Variants in STK10 observed in about 807,000 individuals in gnomAD.
STK10 encodes the protein serine/threonine kinase 10.
Under a neutral mutation model 113.8 loss-of-function variants are expected in STK10, and 78 were observed. That is an observed-to-expected ratio of 0.69 (90% CI 0.57 to 0.83). The LOEUF (loss-of-function observed/expected upper bound fraction) is 0.83. Ranked by LOEUF, STK10 falls within the 40% of genes least tolerant of loss-of-function variation. The probability of loss-of-function intolerance (pLI) is 0.00; values close to 1 mark genes in which losing one functional copy is unlikely to be tolerated. For synonymous variants in STK10, 465 were observed against 494.7 expected, an observed-to-expected ratio of 0.94 and a Z score of 0.80; for missense variants, 1,109 against 1,280.1, an observed-to-expected ratio of 0.87 and a Z score of 2.04.
intron 8 of STK10, among the ~76,000 whole-genome samples, chr5:172,095,589 G>A (rs59846182): frequency 2.6e-5 from 4 of 152,236 alleles, no homozygotes; most frequent in Non-Finnish European, 4.4e-5. Flanking sequence ...CATGCATGGC[G>A]GGGGTGGTTG....
chr5:172,164,765 C>T (rs918731633), intron 1 of STK10, among the ~76,000 whole-genome samples: 1 of 152,166 alleles, frequency 6.6e-6, no homozygotes, highest in African/African-American at 2.4e-5. Flanking sequence ...ATGAGGCCCA[C>T]GTGGGAGTTG....
chr5:172,077,195 T>C (rs999659788), intron 12 of STK10, among the ~76,000 whole-genome samples: 1 of 152,226 alleles, frequency 6.6e-6, no homozygotes, highest in Admixed American at 6.5e-5. Flanking sequence ...GTTACTGAAC[T>C]CGTTCGAGTT....
chr5:172,090,486 C>T (rs1047176640), intron 9 of STK10, 124 bp from the exon 10 acceptor site: 3 of 1,343,932 alleles, frequency 2.2e-6, no homozygotes, highest in Non-Finnish European at 3.1e-6. Flanking sequence ...AGAGATGTGG[C>T]CATCCATCGT....
In STK10 at chr5:172,082,965, A is replaced by T; in HGVS notation, c.1805T>A (p.Ile602Asn). ...CCCATCTTTTCTCGCACTCACGTTG[A>T]TTTCCTGTTCAAAACGTTTATGCAT... Reference protein sequence around the residue: ...EQMHKRFEQEINAKKKFFDTE... With the variant: ...EQMHKRFEQENNAKKKFFDTE... Residue 602 changes from isoleucine (I) to asparagine (N), a missense_variant, in exon 11 of 19, where the codon ATC becomes AAC. This residue lies in a region of STK10 where 885 missense variants were observed against 991.1 expected (regional missense o/e 0.89). Coordinates refer to ENST00000176763, the MANE Select transcript of STK10 (RefSeq NM_005990.4). The surrounding 1 kb of genome is among the most constrained non-coding windows in gnomAD (Gnocchi z 4.3). 1 of 1,613,322 alleles carries T rather than the reference A, an allele frequency of 6.2e-7. No homozygotes were observed. Among genetic ancestry groups the T allele is most frequent in the Non-Finnish European group, 8.5e-7 (1 of 1,179,910 alleles).
chr5:172,153,785 A>G (rs993024152), intron 2 of STK10, among the ~76,000 whole-genome samples: 1 of 152,242 alleles, frequency 6.6e-6, no homozygotes, highest in African/African-American at 2.4e-5. Flanking sequence ...TTCAACCTGT[A>G]TCTCTGGACT....
chr5:172,067,277 A>C (rs1768090279), intron 12 of STK10, among the ~76,000 whole-genome samples: 1 of 152,212 alleles, frequency 6.6e-6, no homozygotes, highest in South Asian at 2.1e-4. Context: ...GGATCACTTT[A>C]GCCCAGGAGG....
rs991107732 is a variant in STK10, at chr5:172,091,828, G to A, written c.1555-1466C>T. Among the ~76,000 whole-genome samples, 9 of 152,280 alleles carry A rather than the reference G, an allele frequency of 5.9e-5. No individual in the cohort carries two copies. The East Asian group carries it at 9.6e-4, about 16-fold the overall frequency. On this transcript the variant is annotated intron_variant, in intron 9 of 18. Coordinates refer to ENST00000176763, the MANE Select transcript of STK10 (RefSeq NM_005990.4). ...ATTACAGGTGTGAGCCACGGCGCCC[G>A]GCCCAAAGACTCTTTTTGGTGTAGC...
At chr5:172,046,962 A>T (rs1371872841) in intron 18 of STK10, among the ~76,000 whole-genome samples, 1 of 152,222 alleles carries the variant, frequency 6.6e-6, no homozygotes, top group Admixed American at 6.5e-5. Flanking sequence ...TTGAGGCCAC[A>T]TTCTGTGTGA....
At position 172,106,656 on chromosome 5, in the gene STK10, T is replaced by C; in HGVS notation, c.752A>G (p.Lys251Arg). 6.2e-7 allele frequency: 1 copy of C among 1,613,456 alleles called. No individual in the cohort carries two copies. ...CGTGAGCAGCGTGGGAGGGTCCGAC[T>C]TGGCGATCTTTAGCAGGACCCGCAT... ...NPMRVLLKIA[K>R]SDPPTLLTPS... Residue 251 changes from lysine (K) to arginine (R), a missense_variant, in exon 6 of 19, where the codon AAG becomes AGG. Transcript: ENST00000176763.
rs536116835 is a variant in STK10 at position 172,183,284 on chromosome 5, C to G, written c.156+4603G>C. Among the ~76,000 whole-genome samples the G allele has an allele frequency of 2.6e-5, 4 of 152,294 alleles. No individual in the cohort carries two copies. In the South Asian group the frequency reaches 8.3e-4, roughly 32 times the overall value. ...CCTTTCATTTCTCCATGCTCCCTGT[C>G]CACATTGTGTGCATGAGTACCTGTG... On this transcript the variant is annotated intron_variant, in intron 1 of 18. Transcript: ENST00000176763.
intron 3 of STK10, among the ~76,000 whole-genome samples, chr5:172,118,146 C>G (rs1380035787): frequency 1.3e-5 from 2 of 152,144 alleles, no homozygotes; most frequent in Non-Finnish European, 2.9e-5. Context: ...ATTATTGTCC[C>G]CATTTTACAG....
At chr5:172,114,578 G>T (rs2087609) in intron 4 of STK10, 1 of 140,884 alleles carries the variant, frequency 7.1e-6, no homozygotes, top group African/African-American at 2.7e-5. Flanking sequence ...CGCCTCCCGG[G>T]TTCACGCCAT....
At chr5:172,102,870 A>G (rs772034635) in intron 7 of STK10, among the ~76,000 whole-genome samples, 6 of 142,700 alleles carry the variant, frequency 4.2e-5, no homozygotes, top group Non-Finnish European at 7.5e-5. Flanking sequence ...AGCACTCTCT[A>G]CATCTTACAG....
At chr5:172,102,560 G>A (rs932763851) in intron 7 of STK10, among the ~76,000 whole-genome samples, 1 of 152,142 alleles carries the variant, frequency 6.6e-6, no homozygotes, top group Non-Finnish European at 1.5e-5. Context: ...AAAGGGGGGC[G>A]AGCAAAGGCA....
In STK10 at chr5:172,082,319, TACTC is replaced by T; in HGVS notation, c.1989+3_1989+6del. 6.5e-7 allele frequency: 1 copy of T among 1,541,546 alleles called. No individual in the cohort carries two copies. The highest frequency in any genetic ancestry group is 1.2e-5 in the South Asian group (1 of 80,610). On this transcript the variant is annotated splice_donor_5th_base_variant and intron_variant, in intron 12 of 18. Transcript: ENST00000176763. This position sits in a 1 kb window ranked among gnomAD's most constrained non-coding sequence, Gnocchi z 4.3. ...GATGCCCCTGCCCCCACTGAGCACA[TACTC>T]ACCTCTTTCTTCATCAGTTTGAGCT...
Position 172,082,436 on chromosome 5 carries a change from T to C in STK10, c.1879A>G (p.Met627Val). Residue 627 changes from methionine to valine, a missense_variant, in exon 12 of 19, where the codon ATG (methionine) becomes GTG (valine). Met to Val is a conservative substitution (Grantham distance 21). Transcript: ENST00000176763. This position sits in a 1 kb window ranked among gnomAD's most constrained non-coding sequence, Gnocchi z 4.3. The part of the protein sequence containing the change: ...ERQQKQQVEK[M>V]EQDHAVRRRE... Reference sequence around the variant, plus strand: ...CGGCGCACGGCATGGTCTTGCTCCATCTTCTCCACTTGCTGCTTTTGCTGA... The same window carrying C: ...CGGCGCACGGCATGGTCTTGCTCCACCTTCTCCACTTGCTGCTTTTGCTGA... 1.2e-6 allele frequency: 2 copies of C among 1,611,832 alleles called. No homozygotes were observed. Among genetic ancestry groups the C allele is most frequent in the Non-Finnish European group, 1.7e-6 (2 of 1,178,952 alleles).
intron 4 of STK10, among the ~76,000 whole-genome samples, chr5:172,111,878 A>G (rs1769245212): frequency 6.6e-6 from 1 of 152,262 alleles, no homozygotes; most frequent in Non-Finnish European, 1.5e-5. Context: ...CTTTACTCAT[A>G]TATGTAAAAA....
intron 3 of STK10, among the ~76,000 whole-genome samples, chr5:172,124,891 T>TC (rs1561817233): frequency 6.6e-6 from 1 of 152,146 alleles, no homozygotes; most frequent in African/African-American, 2.4e-5. Flanking sequence ...TATATTTTTT[T>TC]CCCCCACTAT....
At chr5:172,135,100 G>A (rs555443809) in intron 2 of STK10, among the ~76,000 whole-genome samples, 5 of 152,106 alleles carry the variant, frequency 3.3e-5, no homozygotes, top group Non-Finnish European at 7.4e-5. Context: ...TTCCAAAGAA[G>A]ATGTACAAAT....
Sources: gnomAD v4.1 joint callset for allele counts (sites outside exome capture counted in the v4.1 genomes callset) on GRCh38, gnomAD v4.1.1 for gene constraint, gnomAD v4.1.1 regional missense constraint, Gnocchi (gnomAD v3.1) non-coding constraint, MANE v1.5 for transcripts, NCBI Gene and HGNC (gene_info 2026-07-23, HGNC 2026-07-21) for gene names.